PPP6R2: variants seen among roughly 807,000 people sequenced by gnomAD.
PPP6R2 encodes protein phosphatase 6 regulatory subunit 2.
Under a neutral mutation model 100.2 loss-of-function variants are expected in PPP6R2, and 62 were observed. That is an observed-to-expected ratio of 0.62 (90% CI 0.50 to 0.76). The LOEUF (loss-of-function observed/expected upper bound fraction) is 0.76. Ranked by LOEUF, PPP6R2 falls within the 30% of genes least tolerant of loss-of-function variation. PPP6R2 has a pLI of 0.00. For missense variants in PPP6R2, 1,142 were observed against 1,276.3 expected (o/e 0.89, Z 1.60); for synonymous variants, 525 against 514.7 (o/e 1.02, Z -0.27).
At chr22:50,354,512 A>G (rs1340106488) in intron 1 of PPP6R2, among the ~76,000 whole-genome samples, 2 of 151,940 alleles carry the variant, frequency 1.3e-5, no homozygotes, top group African/African-American at 4.8e-5. Context: ...CAAGTGAAGC[A>G]CTGGGAGTGG....
At chr22:50,443,124 CG>C (rs2066129991) in intron 22 of PPP6R2, 1 of 152,138 alleles carries the variant, frequency 6.6e-6, no homozygotes, top group Non-Finnish European at 1.5e-5. Flanking sequence ...CTCCGGCCTG[CG>C]CATGAGAGAG....
At chr22:50,350,631 G>T (rs2044856553) in intron 1 of PPP6R2, among the ~76,000 whole-genome samples, 1 of 151,790 alleles carries the variant, frequency 6.6e-6, no homozygotes, top group African/African-American at 2.4e-5. Flanking sequence ...AGATCACGAG[G>T]TCAGGAGATC....
At chr22:50,438,087 C>G (rs1390849543) in intron 17 of PPP6R2, 87 bp from the exon 18 acceptor site, 2 of 1,538,412 alleles carry the variant, frequency 1.3e-6, no homozygotes, top group African/African-American at 2.8e-5. Flanking sequence ...ACATCCCGAA[C>G]TAAGCCCCTC....
rs150413435 is a variant in PPP6R2, at chr22:50,443,949, C to A, written c.2663C>A (p.Pro888His). 3.1e-6 allele frequency: 5 copies of A among 1,610,718 alleles called. No individual in the cohort carries two copies. The highest frequency in any genetic ancestry group is 4.2e-6 in the Non-Finnish European group (5 of 1,179,034). ...EVTAAPAVAV[P>H]PEATVAITTA... Reference sequence around the variant, plus strand: ...ACTGCTGCCCCAGCCGTGGCTGTGCCCCCCGAGGCTACTGTGGCCATCACC... The same window carrying A: ...ACTGCTGCCCCAGCCGTGGCTGTGCACCCCGAGGCTACTGTGGCCATCACC... The change falls in exon 23 of 24, where the codon CCC (proline) becomes CAC (histidine). Residue 888 changes from proline (P) to histidine (H), a missense_variant. By Grantham distance (77) the Pro-to-His change is moderately conservative (BLOSUM62 -2). Transcript: ENST00000612753.
At chr22:50,339,959 GTGT>G (rs1349799316), upstream of PPP6R2, among the ~76,000 whole-genome samples, 3 of 125,560 alleles carry the variant, frequency 2.4e-5, no homozygotes, top group Non-Finnish European at 5.0e-5. Flanking sequence ...TAGTGTGTGT[GTGT>G]TGTGTGGTGT....
At chr22:50,406,962 A>G in intron 4 of PPP6R2, 87 bp downstream of exon 4, 1 of 1,345,938 alleles carries the variant, frequency 7.4e-7, no homozygotes, top group South Asian at 1.2e-5. Flanking sequence ...GGTGCGACTC[A>G]TCCTCCGGCC....
intron 1 of PPP6R2, among the ~76,000 whole-genome samples, chr22:50,356,027 A>T (rs2046483162): frequency 6.7e-6 from 1 of 149,040 alleles, no homozygotes; most frequent in South Asian, 2.1e-4. Flanking sequence ...CAGTGGCGCG[A>T]TCTCGGCTCA....
chr22:50,406,190 GCCTGGAGAGAGGTGAGAGA>G, intron 3 of PPP6R2, among the ~76,000 whole-genome samples: 5 of 139,386 alleles, frequency 3.6e-5, no homozygotes, highest in South Asian at 4.5e-4. Flanking sequence ...GAGGTGAGAG[GCCTGGAGAGAGGTGAGAGA>G]CCTGGAGAGA....
rs187906856 is a variant in PPP6R2, at chr22:50,408,885, C to T, written c.414+2010C>T. Among the ~76,000 whole-genome samples the T allele has an allele frequency of 6.1e-3, 923 of 152,264 alleles. 13 individuals are homozygous for T. Among genetic ancestry groups the T allele is most frequent in the African/African-American group, 0.021 (861 of 41,554 alleles). Reference sequence around the variant, plus strand: ...ATCCCAGCACTTTGGGAGGCCGAGGCGAGTGGATCACCTGAGGTCAGGAGT... The same window carrying T: ...ATCCCAGCACTTTGGGAGGCCGAGGTGAGTGGATCACCTGAGGTCAGGAGT... On this transcript the variant is annotated intron_variant, in intron 4 of 23. Transcript: ENST00000612753.
At chr22:50,421,636 C>T (rs191626807) in intron 8 of PPP6R2, among the ~76,000 whole-genome samples, 2 of 152,194 alleles carry the variant, frequency 1.3e-5, no homozygotes, top group African/African-American at 2.4e-5. Context: ...AGGGGGTAGG[C>T]GCAGTGGCTC....
At chr22:50,353,116 T>C (rs1244850028) in intron 1 of PPP6R2, among the ~76,000 whole-genome samples, 1 of 152,178 alleles carries the variant, frequency 6.6e-6, no homozygotes, top group East Asian at 1.9e-4. Flanking sequence ...TGCTTTATTA[T>C]TATTTATGTC....
chr22:50,441,293 GA>G (rs774753471), intron 22 of PPP6R2, among the ~76,000 whole-genome samples: 10 of 152,180 alleles, frequency 6.6e-5, no homozygotes, highest in African/African-American at 9.7e-5. Context: ...GTTAAGACAA[GA>G]AGACAGGGCC....
intron 2 of PPP6R2, among the ~76,000 whole-genome samples, chr22:50,373,476 C>G (rs983134808): frequency 4.6e-5 from 7 of 152,024 alleles, no homozygotes; most frequent in East Asian, 3.9e-4. Flanking sequence ...ATCTCCTGAC[C>G]TCGTGATCCG....
At chr22:50,363,051 C>A (rs1348558399) in intron 1 of PPP6R2, among the ~76,000 whole-genome samples, 1 of 152,106 alleles carries the variant, frequency 6.6e-6, no homozygotes, top group Non-Finnish European at 1.5e-5. Context: ...TTTATTGGCC[C>A]ACATAGTGTT....
chr22:50,394,580 CAA>C (rs749198460), intron 3 of PPP6R2, among the ~76,000 whole-genome samples: 7 of 103,960 alleles, frequency 6.7e-5, no homozygotes, highest in East Asian at 2.9e-4. Flanking sequence ...GCCTGGGTGA[CAA>C]GAGTGAAACC....
At chr22:50,360,035 CT>C (rs142772215) in intron 1 of PPP6R2, among the ~76,000 whole-genome samples, 55 of 144,796 alleles carry the variant, frequency 3.8e-4, no homozygotes, top group Admixed American at 6.9e-4. Flanking sequence ...AGGTTAACAG[CT>C]TTTTTTTTCC....
chr22:50,444,346 A>G lies in PPP6R2; in HGVS notation c.*99A>G. On this transcript the variant is annotated 3_prime_UTR_variant, in exon 24 of 24. Coordinates refer to ENST00000612753, the MANE Select transcript of PPP6R2 (RefSeq NM_001242898.2). The stretch of plus-strand genomic sequence containing the variant: ...ATCTTTTTTTTTTTTAATTTAATTT[A>G]ATTTTAAAATAAATGCTGCATTGGT... 1 of 1,367,940 alleles carries G rather than the reference A, an allele frequency of 7.3e-7. No homozygotes were observed. 84.7% of individuals were successfully genotyped at this position (1,367,940 alleles called of 1,614,324 possible). A position where few individuals can be genotyped will look rare whatever the true frequency, so the allele number is the denominator to read the frequency against.
At chr22:50,342,073 C>T (rs2147841401), upstream of PPP6R2, among the ~76,000 whole-genome samples, 1 of 152,192 alleles carries the variant, frequency 6.6e-6, no homozygotes, top group South Asian at 2.1e-4. Context: ...CAAGATCAGG[C>T]AGAGTTGCAC....
At position 50,397,532 on chromosome 22, in the gene PPP6R2, G is replaced by A. The variant is rs537445155; in HGVS notation, c.227+3397G>A. On this transcript the variant is annotated intron_variant, in intron 3 of 23. Transcript: ENST00000612753. ...TGATTGCCTCTGAGGAGCATGACTT[G>A]GGATGCTGGGGGGCAGGGGGCCTGT... is the stretch of plus-strand genomic sequence containing the variant. Among the ~76,000 whole-genome samples the A allele has an allele frequency of 2.3e-5, 3 of 129,780 alleles. 1 individual carries two copies. The highest frequency in any genetic ancestry group is 1.0e-4 in the African/African-American group (3 of 29,350). The allele number at this position is 129,780 out of a possible 152,430, so 85.1% of individuals were successfully genotyped here.
Sources: allele counts gnomAD v4.1 joint callset (sites outside exome capture counted in the v4.1 genomes callset), GRCh38; gene constraint gnomAD v4.1.1; transcripts MANE v1.5; gene names NCBI Gene and HGNC (gene_info 2026-07-23, HGNC 2026-07-21).